The following PHACTR1 variants were observed in gnomAD, a reference collection of about 807,000 sequenced individuals.
The protein encoded by PHACTR1 is phosphatase and actin regulator 1.
PHACTR1 carries 16 observed loss-of-function variants against 69.2 expected under a neutral mutation model. The observed-to-expected ratio is 0.23, with a 90% CI of 0.16 to 0.35. The LOEUF is 0.35. PHACTR1 is among the 10% of genes least tolerant of loss of function. The pLI, the probability that PHACTR1 is intolerant of heterozygous loss-of-function variation, is 1.00. For synonymous variants in PHACTR1, 312 were observed against 284.5 expected, an observed-to-expected ratio of 1.10 and a Z score of -0.97; for missense variants, 510 against 734.7, an observed-to-expected ratio of 0.69 and a Z score of 3.54.
chr6:13,044,367 A>G (rs1309067478), intron 4 of PHACTR1, among the ~76,000 whole-genome samples: 1 of 152,236 alleles, frequency 6.6e-6, no homozygotes, highest in Non-Finnish European at 1.5e-5. Context: ...CCCTACTTTG[A>G]TTAGGCTTAG....
intron 4 of PHACTR1, among the ~76,000 whole-genome samples, chr6:13,003,577 T>C (rs1012590610): frequency 5.9e-5 from 9 of 152,164 alleles, no homozygotes; most frequent in Non-Finnish European, 1.2e-4. Context: ...CCTTCATTAC[T>C]GCTTCTTTTA....
In PHACTR1 at chr6:13,286,154, C is replaced by A. The variant is rs1034514412; in HGVS notation, c.1659C>A (p.Ile553=). 5.6e-6 allele frequency: 9 copies of A among 1,604,052 alleles called. No homozygotes were observed. Among genetic ancestry groups the A allele is most frequent in the Non-Finnish European group, 7.7e-6 (9 of 1,175,912 alleles). Residue 553 remains isoleucine, a synonymous_variant, in exon 14 of 15, where the codon ATC becomes ATA. Transcript: ENST00000332995. ...GCTTCTGTTGATTCCAGGCTGCCAT[C>A]CGAAAGGAGCTCAATGAATTCAAAA... ...TRLTAADKAA[I]RKELNEFKST... is the part of the protein sequence containing the mutation.
intron 7 of PHACTR1, among the ~76,000 whole-genome samples, chr6:13,198,701 C>T (rs1764772477): frequency 1.3e-5 from 2 of 152,026 alleles, no homozygotes; most frequent in South Asian, 4.2e-4. Context: ...CATTTTGTGT[C>T]GGGCCACATT....
At chr6:13,116,709 G>A (rs940071486) in intron 5 of PHACTR1, among the ~76,000 whole-genome samples, 1 of 152,112 alleles carries the variant, frequency 6.6e-6, no homozygotes, top group Admixed American at 6.5e-5. Flanking sequence ...TTTAAAGAAG[G>A]TTAAATTATT....
chr6:12,744,156 G>A (rs1765465362), intron 3 of PHACTR1, among the ~76,000 whole-genome samples: 4 of 142,114 alleles, frequency 2.8e-5, no homozygotes, highest in South Asian at 2.4e-4. Context: ...CAAGTACTGT[G>A]TAGACAAGGT....
At chr6:13,134,733 T>C (rs1821261332) in intron 5 of PHACTR1, among the ~76,000 whole-genome samples, 1 of 149,362 alleles carries the variant, frequency 6.7e-6, no homozygotes, top group African/African-American at 2.5e-5. Context: ...CCCTCCACTA[T>C]TGTCCTATGA....
chr6:13,023,175 G>A (rs1291682772), intron 4 of PHACTR1, among the ~76,000 whole-genome samples: 1 of 152,118 alleles, frequency 6.6e-6, no homozygotes, highest in Non-Finnish European at 1.5e-5. Context: ...CTTTTCAAAA[G>A]CTATTTGATG....
chr6:12,725,200 G>A (rs547667678), intron 3 of PHACTR1, among the ~76,000 whole-genome samples: 1 of 152,188 alleles, frequency 6.6e-6, no homozygotes, highest in Non-Finnish European at 1.5e-5. Context: ...CTGTGAAATC[G>A]GTCAGAGCAG....
chr6:13,261,983 CTG>C (rs1443977784), intron 10 of PHACTR1, among the ~76,000 whole-genome samples: 2 of 152,208 alleles, frequency 1.3e-5, no homozygotes, highest in Non-Finnish European at 2.9e-5. Context: ...TTTCAGAACA[CTG>C]AGTGTTTTGA....
rs897631680 is a variant in PHACTR1, at chr6:12,894,344, C to A, written c.250+144554C>A. On this transcript the variant is annotated intron_variant, in intron 4 of 14. Transcript: ENST00000332995. Reference sequence around the variant, plus strand: ...TTTGGGCGGGGCACAGTGGCTGACGCCTATAATCTCAGCACTTTGGGAGTC... The same window carrying A: ...TTTGGGCGGGGCACAGTGGCTGACGACTATAATCTCAGCACTTTGGGAGTC... Among the ~76,000 whole-genome samples, 4 of 152,330 alleles carry A rather than the reference C, an allele frequency of 2.6e-5. No individual in the cohort carries two copies. In the East Asian group the frequency reaches 7.7e-4, roughly 29 times the overall value.
intron 4 of PHACTR1, among the ~76,000 whole-genome samples, chr6:12,796,488 A>G (rs1044241513): frequency 6.6e-6 from 1 of 152,262 alleles, no homozygotes; most frequent in Admixed American, 6.5e-5. Context: ...ATGCCTCTGC[A>G]AAATGAATGC....
chr6:12,732,922 C>A (rs559841291), intron 3 of PHACTR1, among the ~76,000 whole-genome samples: 1 of 152,302 alleles, frequency 6.6e-6, no homozygotes, highest in South Asian at 2.1e-4. Context: ...TCTGTTCTGC[C>A]ATTATTTACT....
chr6:12,776,116 T>C (rs573820280), intron 4 of PHACTR1, among the ~76,000 whole-genome samples: 1 of 152,326 alleles, frequency 6.6e-6, no homozygotes, highest in African/African-American at 2.4e-5. Flanking sequence ...AAAACGCATA[T>C]AATATTTAAG....
chr6:13,182,362 CGAT>C (rs1357498676), intron 6 of PHACTR1, among the ~76,000 whole-genome samples, 154 bp from the exon 7 acceptor site: 1 of 152,204 alleles, frequency 6.6e-6, no homozygotes, highest in African/African-American at 2.4e-5. Flanking sequence ...ATATCTCTAA[CGAT>C]GAAATAAATG....
chr6:13,007,617 C>A (rs560449370), intron 4 of PHACTR1, among the ~76,000 whole-genome samples: 1 of 150,086 alleles, frequency 6.7e-6, no homozygotes, highest in Non-Finnish European at 1.5e-5. Flanking sequence ...ATGTCCACAA[C>A]GATGATATTC....
intron 4 of PHACTR1, among the ~76,000 whole-genome samples, chr6:12,997,139 C>T (rs1797516045): frequency 6.6e-6 from 1 of 151,482 alleles, no homozygotes; most frequent in Non-Finnish European, 1.5e-5. Context: ...TGCACTCTAG[C>T]CTGGGCAGCA....
At chr6:13,272,990 G>A (rs1246673189) in intron 11 of PHACTR1, 75 bp downstream of exon 11, 3 of 1,580,264 alleles carry the variant, frequency 1.9e-6, no homozygotes, top group African/African-American at 1.4e-5. Context: ...AGGCCACAAG[G>A]TTTCTACCTT....
intron 4 of PHACTR1, among the ~76,000 whole-genome samples, chr6:13,034,411 G>T (rs914903380): frequency 6.6e-6 from 1 of 152,178 alleles, no homozygotes; most frequent in African/African-American, 2.4e-5. Flanking sequence ...GTTTGTTGGA[G>T]AAACCTTTTG....
chr6:13,064,585 T>C (rs868030117), intron 5 of PHACTR1, among the ~76,000 whole-genome samples: 1 of 6,988 alleles, frequency 1.4e-4, no homozygotes, highest in Non-Finnish European at 2.7e-4. Context: ...TATATATATA[T>C]ATATATATAT....
Sources: gnomAD v4.1 joint callset for allele counts (sites outside exome capture counted in the v4.1 genomes callset) on GRCh38, gnomAD v4.1.1 for gene constraint, MANE v1.5 for transcripts, NCBI Gene and HGNC (gene_info 2026-07-23, HGNC 2026-07-21) for gene names.